Variants in BLOC1S5 observed in about 807,000 individuals in gnomAD.
BLOC1S5 encodes the protein biogenesis of lysosomal organelles complex 1 subunit 5, also known as biogenesis of lysosome-related organelles complex 1 subunit 5.
Under a neutral mutation model 24.3 loss-of-function variants are expected in BLOC1S5, and 27 were observed. That is an observed-to-expected ratio of 1.11 (90% CI 0.82 to 1.53). The LOEUF (loss-of-function observed/expected upper bound fraction) is 1.53. Among genes scored for constraint, BLOC1S5 ranks in the 40% most tolerant of loss-of-function variants. BLOC1S5 has a pLI of 0.00. For synonymous variants in BLOC1S5, 84 were observed against 74.5 expected (o/e 1.13, Z -0.66); for missense variants, 239 against 229.4 (o/e 1.04, Z -0.27).
At chr6:8,049,738 G>T (rs1275137134) in intron 2 of BLOC1S5, among the ~76,000 whole-genome samples, 1 of 151,308 alleles carries the variant, frequency 6.6e-6, no homozygotes, top group Non-Finnish European at 1.5e-5. Flanking sequence ...TTGAGATAGG[G>T]TCTCACTCTG....
At position 8,015,819 on chromosome 6, in the gene BLOC1S5, C is replaced by CA. The variant is rs751374601; in HGVS notation, c.393dup (p.Asp132Ter). 3 of 1,596,242 alleles carry CA rather than the reference C, an allele frequency of 1.9e-6. No individual in the cohort carries two copies. Among genetic ancestry groups the CA allele is most frequent in the Admixed American group, 3.7e-5 (2 of 54,392 alleles). Reference sequence around the variant, plus strand: ...TGTTTCTCACTAGCTACTAAGTGGTCACTATGAATCTGAGAAAAGAAAATT... The same window carrying CA: ...TGTTTCTCACTAGCTACTAAGTGGTCAACTATGAATCTGAGAAAAGAAAATT... On this transcript the variant is annotated frameshift_variant, in exon 5 of 5. Coordinates refer to ENST00000397457, the MANE Select transcript of BLOC1S5 (RefSeq NM_201280.3). LOFTEE classifies it high-confidence loss of function.
chr6:8,057,750 A>G (rs922188987), intron 2 of BLOC1S5, among the ~76,000 whole-genome samples: 5 of 152,234 alleles, frequency 3.3e-5, no homozygotes, highest in African/African-American at 1.2e-4. Flanking sequence ...ATTAGAATTA[A>G]TTAAAACAAT....
At chr6:8,055,066 T>C (rs965909092) in intron 2 of BLOC1S5, among the ~76,000 whole-genome samples, 1 of 152,236 alleles carries the variant, frequency 6.6e-6, no homozygotes, top group Non-Finnish European at 1.5e-5. Flanking sequence ...ATTTCTGAGT[T>C]TTTCCTTTTA....
intron 1 of BLOC1S5, among the ~76,000 whole-genome samples, chr6:8,063,842 C>T (rs374736208): frequency 2.0e-5 from 3 of 152,194 alleles, no homozygotes; most frequent in African/African-American, 7.2e-5. Flanking sequence ...TCACTTACTC[C>T]TCGCACGACC....
At chr6:8,061,517 A>C (rs1299650869) in intron 2 of BLOC1S5, among the ~76,000 whole-genome samples, 1 of 152,200 alleles carries the variant, frequency 6.6e-6, no homozygotes, top group Non-Finnish European at 1.5e-5. Context: ...AAATGCACAG[A>C]TCCTGGGAAG....
chr6:8,029,067 C>T (rs970131634), intron 3 of BLOC1S5, among the ~76,000 whole-genome samples: 35 of 151,970 alleles, frequency 2.3e-4, no homozygotes, highest in African/African-American at 7.7e-4. Context: ...GTTCTATTTT[C>T]CTCACATAAA....
At chr6:8,031,376 A>AGAAT (rs1174133886) in intron 3 of BLOC1S5, among the ~76,000 whole-genome samples, 1 of 152,192 alleles carries the variant, frequency 6.6e-6, no homozygotes, top group Non-Finnish European at 1.5e-5. Flanking sequence ...AACCCCTTTT[A>AGAAT]GAATAGCTGC....
chr6:8,044,191 G>A (rs993669291), intron 2 of BLOC1S5, among the ~76,000 whole-genome samples: 4 of 150,172 alleles, frequency 2.7e-5, no homozygotes, highest in African/African-American at 9.8e-5. Flanking sequence ...GGCTGAGGCA[G>A]GAGAATCGCT....
At chr6:8,029,831 G>C (rs943813313) in intron 3 of BLOC1S5, among the ~76,000 whole-genome samples, 4 of 152,158 alleles carry the variant, frequency 2.6e-5, no homozygotes, top group African/African-American at 9.7e-5. Context: ...CAGTGATCTA[G>C]TGAAAGAAAA....
chr6:8,019,715 T>G (rs1762859769), intron 4 of BLOC1S5, among the ~76,000 whole-genome samples: 1 of 152,084 alleles, frequency 6.6e-6, no homozygotes. Flanking sequence ...TAGTTGAGAA[T>G]GTGCTAAGAC....
chr6:8,062,496 TA>T (rs749324696), intron 2 of BLOC1S5, 37 bp downstream of exon 2: 15 of 1,287,538 alleles, frequency 1.2e-5, no homozygotes, highest in Middle Eastern at 4.4e-4. Context: ...CACTAACAAT[TA>T]GGGAAGTACT....
Position 8,041,136 on chromosome 6 carries a change from C to G in BLOC1S5, c.325+3G>C. 2 of 1,569,322 alleles carry G rather than the reference C, an allele frequency of 1.3e-6. No homozygotes were observed. Among genetic ancestry groups the G allele is most frequent in the Non-Finnish European group, 1.7e-6 (2 of 1,160,568 alleles). On this transcript the variant is annotated splice_donor_region_variant and intron_variant, in intron 3 of 4. Transcript: ENST00000397457. ...AGCAATTAAAAAAGAATTGCTGACT[C>G]ACATCTCTGGAGAACCTGGCTGAGG...
chr6:8,054,311 G>A (rs761920092), intron 2 of BLOC1S5: 21 of 445,336 alleles, frequency 4.7e-5, no homozygotes, highest in Admixed American at 7.6e-5. Context: ...CATCTTCACC[G>A]TCAGAACACA....
chr6:8,021,004 C>T (rs1474899155), intron 4 of BLOC1S5, among the ~76,000 whole-genome samples: 2 of 152,154 alleles, frequency 1.3e-5, no homozygotes, highest in Non-Finnish European at 2.9e-5. Flanking sequence ...ACCTAAACGT[C>T]CATAGACAGA....
intron 3 of BLOC1S5, among the ~76,000 whole-genome samples, chr6:8,034,906 A>G (rs904002963): frequency 6.6e-6 from 1 of 152,152 alleles, no homozygotes; most frequent in African/African-American, 2.4e-5. Context: ...CCCATCAATC[A>G]ACAAGTGGAT....
intron 4 of BLOC1S5, among the ~76,000 whole-genome samples, chr6:8,022,760 A>G (rs1282510701): frequency 3.6e-5 from 5 of 137,884 alleles, no homozygotes; most frequent in Non-Finnish European, 7.8e-5. Flanking sequence ...AATTTTTTGT[A>G]TTTTTAGTAG....
At chr6:8,040,515 TA>T in intron 3 of BLOC1S5, among the ~76,000 whole-genome samples, 1 of 152,316 alleles carries the variant, frequency 6.6e-6, no homozygotes, top group South Asian at 2.1e-4. Flanking sequence ...TTGCATACTA[TA>T]AACTTTGAAA....
Position 8,035,413 on chromosome 6 carries a change from C to T in BLOC1S5, c.325+5726G>A, listed in dbSNP as rs61369769. On this transcript the variant is annotated intron_variant, in intron 3 of 4. Coordinates refer to ENST00000397457, the MANE Select transcript of BLOC1S5 (RefSeq NM_201280.3). Reference sequence around the variant, plus strand: ...ATAAGACCCACCTCTATACTGCCTACGAGAAAGGCACTTCACCTATAAAGA... The same window carrying T: ...ATAAGACCCACCTCTATACTGCCTATGAGAAAGGCACTTCACCTATAAAGA... 4.8e-3 allele frequency among the ~76,000 whole-genome samples: 717 copies of T among 150,618 alleles called. 5 individuals are homozygous for T. The highest frequency in any genetic ancestry group is 0.016 in the African/African-American group (676 of 40,972).
intron 2 of BLOC1S5, among the ~76,000 whole-genome samples, chr6:8,045,148 TG>T (rs1763836193): frequency 6.6e-6 from 1 of 152,200 alleles, no homozygotes; most frequent in African/African-American, 2.4e-5. Flanking sequence ...CCTAGGGACT[TG>T]GTGCCCCATG....
Sources: gnomAD v4.1 joint callset for allele counts (sites outside exome capture counted in the v4.1 genomes callset) on GRCh38, gnomAD v4.1.1 for gene constraint, MANE v1.5 for transcripts, NCBI Gene and HGNC (gene_info 2026-07-23, HGNC 2026-07-21) for gene names.